The following AFG3L2 variants were observed in gnomAD, a reference collection of about 807,000 sequenced individuals.
The protein encoded by AFG3L2 is AFG3 like matrix AAA peptidase subunit 2.
Under a neutral mutation model 94.5 loss-of-function variants are expected in AFG3L2, and 54 were observed. The ratio of observed to expected loss-of-function variants is 0.57; its 90% confidence interval spans 0.46 to 0.72. The LOEUF (loss-of-function observed/expected upper bound fraction) is 0.72, where lower values mean the gene tolerates loss of function less well. Ranked by LOEUF, AFG3L2 falls within the 30% of genes least tolerant of loss-of-function variation. AFG3L2 has a pLI of 0.00. For synonymous variants in AFG3L2, 377 were observed against 365.5 expected (o/e 1.03, Z -0.36); for missense variants, 754 against 994.9 (o/e 0.76, Z 3.26).
At chr18:12,369,248 C>A (rs960152323) in intron 3 of AFG3L2, among the ~76,000 whole-genome samples, 4 of 152,124 alleles carry the variant, frequency 2.6e-5, no homozygotes, top group Admixed American at 6.5e-5. Context: ...ACTCGGCCCC[C>A]ACACCAAGAC....
At chr18:12,358,039 G>A (rs1908547697) in intron 8 of AFG3L2, among the ~76,000 whole-genome samples, 1 of 152,018 alleles carries the variant, frequency 6.6e-6, no homozygotes, top group Non-Finnish European at 1.5e-5. Context: ...TCTTTCAAAG[G>A]ATTCCTTTAA....
intron 14 of AFG3L2, chr18:12,343,852 C>T: frequency 2.0e-6 from 1 of 509,738 alleles, no homozygotes; most frequent in South Asian, 2.1e-5. Flanking sequence ...GCCACAGGCT[C>T]CCAGTTCAAA....
At chr18:12,354,845 T>C (rs1211935160) in intron 9 of AFG3L2, among the ~76,000 whole-genome samples, 1 of 148,978 alleles carries the variant, frequency 6.7e-6, no homozygotes, top group Non-Finnish European at 1.5e-5. Flanking sequence ...TGGCCCATCA[T>C]CATTAACACC....
intron 3 of AFG3L2, among the ~76,000 whole-genome samples, chr18:12,368,140 C>T (rs1444349110): frequency 6.6e-6 from 1 of 151,492 alleles, no homozygotes; most frequent in Admixed American, 6.6e-5. Flanking sequence ...GCACTCCAGC[C>T]TGGGCAACAA....
In AFG3L2 at chr18:12,340,254, T is replaced by A; in HGVS notation, c.1927A>T (p.Thr643Ser). Residue 643 changes from threonine to serine, a missense_variant, in exon 15 of 17, where the codon ACA becomes TCA. Physicochemically the swap from Thr to Ser is moderately conservative, Grantham distance 58 (BLOSUM62 1). This residue lies in a region of AFG3L2 where 279 missense variants were observed against 378.6 expected (regional missense o/e 0.74). Coordinates refer to ENST00000269143, the MANE Select transcript of AFG3L2 (RefSeq NM_006796.3). ...CTCAAGTCATCTTGAGCACCAGTTG[T>A]AATTCTTCCAAAGAAGATTTCTTCA... ...VSEEIFFGRI[T>S]TGAQDDLRKV... 1 of 1,614,198 alleles carries A rather than the reference T, an allele frequency of 6.2e-7. No homozygotes were observed. The highest frequency in any genetic ancestry group is 8.5e-7 in the Non-Finnish European group (1 of 1,180,032).
Position 12,337,359 on chromosome 18 carries a change from CTT to C in AFG3L2, c.2155_2156del (p.Lys719GlufsTer3), listed in dbSNP as rs1245586204. 4 of 1,614,018 alleles carry C rather than the reference CTT, an allele frequency of 2.5e-6. No homozygotes were observed. The highest frequency in any genetic ancestry group is 3.4e-6 in the Non-Finnish European group (4 of 1,179,994). The part of the protein sequence containing the change: ...YKRTVALLTE[K>X]KADVEKVALL... ...CACCTACCTTCTCCACGTCAGCTTT[CTT>C]TTCTGTGAGAAGAGCTACTGTTCTT... is the stretch of plus-strand genomic sequence containing the variant. On this transcript the variant is annotated frameshift_variant, in exon 16 of 17. Transcript: ENST00000269143. LOFTEE classifies it high-confidence loss of function.
intron 6 of AFG3L2, 111 bp from the exon 7 acceptor site, chr18:12,360,162 A>G (rs1164763109): frequency 9.9e-7 from 1 of 1,014,860 alleles, no homozygotes; most frequent in Non-Finnish European, 1.5e-6. Flanking sequence ...AAATTTATAA[A>G]TTAAAGAATA....
In AFG3L2 at chr18:12,375,411, G is replaced by GAAA. The variant is rs5823210; in HGVS notation, c.114+1555_114+1557dup. 2.4e-4 allele frequency among the ~76,000 whole-genome samples: 29 copies of GAAA among 118,600 alleles called. 2 individuals carry two copies. The highest frequency in any genetic ancestry group is 6.1e-4 in the African/African-American group (20 of 32,786). 77.8% of individuals were successfully genotyped at this position (118,600 alleles called of 152,430 possible). ...GTCATAAGTCACTGAGCCCAGGTAA[G>GAAA]AAAAAAAAAAAAAAAACAATTTGTA... On this transcript the variant is annotated intron_variant, in intron 1 of 16. Coordinates refer to ENST00000269143, the MANE Select transcript of AFG3L2 (RefSeq NM_006796.3).
Position 12,337,474 on chromosome 18 carries a change from C to G in AFG3L2, c.2042G>C (p.Gly681Ala). The G allele has an allele frequency of 6.2e-7, 1 of 1,614,230 alleles. No individual in the cohort carries two copies. Residue 681 changes from glycine to alanine, a missense_variant, in exon 16 of 17, where the codon GGG becomes GCG. Physicochemically the swap from Gly to Ala is moderately conservative, Grantham distance 60. Transcript: ENST00000269143. Reference protein sequence around the residue: ...GQISFDLPRQGDMVLEKPYSE... With the variant: ...GQISFDLPRQADMVLEKPYSE... ...GTAAGGTTTCTCCAATACCATGTCC[C>G]CCTGACGTGGGAGGTCAAAGGAGAT...
At chr18:12,350,256 C>CT (rs1908271697) in intron 12 of AFG3L2, among the ~76,000 whole-genome samples, 1 of 152,078 alleles carries the variant, frequency 6.6e-6, no homozygotes, top group African/African-American at 2.4e-5. Context: ...GGTGATCCAC[C>CT]TGCCTCAGAC....
rs1236554900 is a variant in AFG3L2 at position 12,329,209 on chromosome 18, C to T, written c.*356G>A. 1.4e-6 allele frequency: 1 copy of T among 702,938 alleles called. No homozygotes were observed. Among genetic ancestry groups the T allele is most frequent in the African/African-American group, 1.7e-5 (1 of 57,372 alleles). 43.5% of individuals were successfully genotyped at this position (702,938 alleles called of 1,614,324 possible). ...AGAGTGGGCGACAAAGAGAAAGCATCCCTTCCCACACGCCAAGAGTCCAGT... is the reference window on the plus strand; with the variant it reads ...AGAGTGGGCGACAAAGAGAAAGCATTCCTTCCCACACGCCAAGAGTCCAGT... On this transcript the variant is annotated 3_prime_UTR_variant, in exon 17 of 17. Coordinates refer to ENST00000269143, the MANE Select transcript of AFG3L2 (RefSeq NM_006796.3).
At chr18:12,339,108 G>A (rs1275322831) in intron 15 of AFG3L2, among the ~76,000 whole-genome samples, 2 of 151,746 alleles carry the variant, frequency 1.3e-5, no homozygotes, top group African/African-American at 4.9e-5. Flanking sequence ...CAAAAAATTA[G>A]CCAGGAGTGG....
Position 12,329,669 on chromosome 18 carries a change from C to T in AFG3L2, c.2290G>A (p.Gly764Ser). 1 of 1,614,200 alleles carries T rather than the reference C, an allele frequency of 6.2e-7. No homozygotes were observed. The highest frequency in any genetic ancestry group is 2.2e-5 in the East Asian group (1 of 44,888). ...STYEEFVEGTGSLDEDTSLPE... is the reference protein window; with the variant it reads ...STYEEFVEGTSSLDEDTSLPE... ...AGTGAGGTGTCCTCATCCAAGCTGC[C>T]AGTGCCTTCCACAAATTCTTCATAG... is the stretch of plus-strand genomic sequence containing the variant. The change falls in exon 17 of 17, where the codon GGC (glycine) becomes AGC (serine). Residue 764 changes from glycine to serine, a missense_variant. Gly to Ser is a moderately conservative substitution (Grantham distance 56). Transcript: ENST00000269143.
intron 1 of AFG3L2, among the ~76,000 whole-genome samples, chr18:12,373,747 T>C (rs1049201888): frequency 6.6e-6 from 1 of 152,118 alleles, no homozygotes; most frequent in African/African-American, 2.4e-5. Flanking sequence ...AGAAGGTCAA[T>C]GGCAAAGCAG....
intron 9 of AFG3L2, among the ~76,000 whole-genome samples, chr18:12,353,514 C>CAAAAAAAAAAAAAAAAAAAAAAAAGAAAA: frequency 1.2e-5 from 1 of 81,062 alleles, no homozygotes; most frequent in Non-Finnish European, 2.4e-5. Flanking sequence ...AATTCTGTCT[C>CAAAAAAAAAAAAAAAAAAAAAAAAGAAAA]AAAAAAAAAA....
rs377431550 is a variant in AFG3L2 at position 12,352,981 on chromosome 18, G to A, written c.1318+24C>T. On this transcript the variant is annotated intron_variant, in intron 10 of 16. Transcript: ENST00000269143. ...AAAAAAAAACAAAAGTGCAGTTAAA[G>A]ATACAAAAGCCTTGACCACTCACCA... is the stretch of plus-strand genomic sequence containing the variant. 13 of 1,611,276 alleles carry A rather than the reference G, an allele frequency of 8.1e-6. No individual in the cohort carries two copies. In the African/African-American group the frequency reaches 1.6e-4, roughly 20 times the overall value.
In AFG3L2 at chr18:12,364,069, T is replaced by G. The variant is rs1242881801; in HGVS notation, c.553-213A>C. 2.6e-5 allele frequency among the ~76,000 whole-genome samples: 4 copies of G among 152,344 alleles called. No homozygotes were observed. The East Asian group carries it at 5.8e-4, about 22-fold the overall frequency. ...GCTATGCTCTCATTTAGGGGCTGCA[T>G]TGCCCAAACCACATCCTTACACTTG... On this transcript the variant is annotated intron_variant, in intron 5 of 16. Coordinates refer to ENST00000269143, the MANE Select transcript of AFG3L2 (RefSeq NM_006796.3).
chr18:12,360,136 T>TA lies in AFG3L2; in HGVS notation c.628-86_628-85insT, dbSNP rs1252580251. 50 of 1,271,266 alleles carry TA rather than the reference T, an allele frequency of 3.9e-5. No individual in the cohort carries two copies. The African/African-American group carries it at 6.5e-4, about 16-fold the overall frequency. 78.7% of individuals were successfully genotyped at this position (1,271,266 alleles called of 1,614,324 possible). A position where few individuals can be genotyped will look rare whatever the true frequency, so the allele number is the denominator to read the frequency against. Reference sequence around the variant, plus strand: ...CTAAACGGTTCAACTTTTTAAGAATTTTCCAGAAATACTGAAAATTTATAA... The same window carrying TA: ...CTAAACGGTTCAACTTTTTAAGAATTATTCCAGAAATACTGAAAATTTATAA... On this transcript the variant is annotated intron_variant, in intron 6 of 16. Coordinates refer to ENST00000269143, the MANE Select transcript of AFG3L2 (RefSeq NM_006796.3).
chr18:12,371,595 T>C lies in AFG3L2; in HGVS notation c.211A>G (p.Lys71Glu). ...ACAGCCACACCTAAGCATTTACCTT[T>C]TGGGGGTCGAGAACAGAATCTTTGA... ...AYQRFCSRPPKGFEKYFPNGK... is the reference protein window; with the variant it reads ...AYQRFCSRPPEGFEKYFPNGK... The change falls in exon 2 of 17, where the codon AAA becomes GAA. Residue 71 changes from lysine (K) to glutamate (E), a missense_variant. By Grantham distance (56) the Lys-to-Glu change is moderately conservative. Around this residue, in one of 4 missense-constraint regions of AFG3L2, gnomAD observed 236 missense variants for 214.0 expected, o/e 1.10. Transcript: ENST00000269143. 2.5e-6 allele frequency: 4 copies of C among 1,613,372 alleles called. No homozygotes were observed. Among genetic ancestry groups the C allele is most frequent in the Non-Finnish European group, 2.5e-6 (3 of 1,179,772 alleles).
Sources: gnomAD v4.1 joint callset for allele counts (sites outside exome capture counted in the v4.1 genomes callset) on GRCh38, gnomAD v4.1.1 for gene constraint, gnomAD v4.1.1 regional missense constraint, MANE v1.5 for transcripts, NCBI Gene and HGNC (gene_info 2026-07-23, HGNC 2026-07-21) for gene names.